The following RIMKLB variants were observed in gnomAD, a reference collection of about 807,000 sequenced individuals.
RIMKLB encodes ribosomal modification protein rimK like family member B.
In RIMKLB, 7 loss-of-function variants were observed where a neutral mutation model predicts 32.0. The ratio of observed to expected loss-of-function variants is 0.22; its 90% CI spans 0.12 to 0.41. The LOEUF (loss-of-function observed/expected upper bound fraction) is 0.41, where lower values mean the gene tolerates loss of function less well. RIMKLB is among the 10% of genes least tolerant of loss of function. RIMKLB has a pLI of 1.00. For missense variants in RIMKLB, 289 were observed against 498.7 expected (o/e 0.58, Z 4.00); for synonymous variants, 172 against 185.1 (o/e 0.93, Z 0.57).
At chr12:8,726,489 T>C (rs1946019553) in intron 2 of RIMKLB, among the ~76,000 whole-genome samples, 2 of 152,342 alleles carry the variant, frequency 1.3e-5, no homozygotes, top group African/African-American at 4.8e-5. Flanking sequence ...TCCCAGACTA[T>C]AGCTTGTTTG....
upstream of RIMKLB, among the ~76,000 whole-genome samples, chr12:8,696,285 CTT>C (rs1423977655): frequency 6.6e-6 from 1 of 152,172 alleles, no homozygotes; most frequent in African/African-American, 2.4e-5. Context: ...GTTGAATATA[CTT>C]TATGTCCCAG....
At chr12:8,769,698 T>G (rs1950251793) in intron 5 of RIMKLB, among the ~76,000 whole-genome samples, 1 of 152,148 alleles carries the variant, frequency 6.6e-6, no homozygotes, top group African/African-American at 2.4e-5. Context: ...TTACCTTCTA[T>G]TTTCTTATGC....
chr12:8,744,742 C>T (rs929251004), intron 2 of RIMKLB, among the ~76,000 whole-genome samples: 1 of 151,800 alleles, frequency 6.6e-6, no homozygotes, highest in South Asian at 2.1e-4. Flanking sequence ...CTCACTTCAA[C>T]CTCTGCCTCC....
At position 8,776,010 on chromosome 12, in the gene RIMKLB, A is replaced by C; in HGVS notation, c.*2226A>C. The C allele has an allele frequency of 1.0e-6, 1 of 984,442 alleles. No individual in the cohort carries two copies. The highest frequency in any genetic ancestry group is 1.2e-6 in the Non-Finnish European group (1 of 829,042). The allele number at this position is 984,442 out of a possible 1,614,324, so 61.0% of individuals were successfully genotyped here. A position where few individuals can be genotyped will look rare whatever the true frequency, so the allele number is the denominator to read the frequency against. ...TAGAGAAATAAATGAGGAAGAAAGA[A>C]CTGCTTAATTAAATTATCATTCATA... On this transcript the variant is annotated 3_prime_UTR_variant, in exon 6 of 6. Transcript: ENST00000535829.
chr12:8,725,264 G>A (rs1175541204), intron 2 of RIMKLB, among the ~76,000 whole-genome samples: 1 of 151,956 alleles, frequency 6.6e-6, no homozygotes, highest in Non-Finnish European at 1.5e-5. Flanking sequence ...GGCAAAGGAT[G>A]CTCTACTTTC....
chr12:8,701,123 C>T (rs937298556), intron 1 of RIMKLB, among the ~76,000 whole-genome samples: 1 of 151,802 alleles, frequency 6.6e-6, no homozygotes, highest in East Asian at 1.9e-4. Context: ...GAGGAGACTG[C>T]GATAGTGAAA....
intron 2 of RIMKLB, among the ~76,000 whole-genome samples, chr12:8,745,528 G>T (rs1219581333): frequency 6.6e-6 from 1 of 151,404 alleles, no homozygotes; most frequent in Non-Finnish European, 1.5e-5. Flanking sequence ...CCAAGTAGCT[G>T]GGATTTTATG....
intron 5 of RIMKLB, among the ~76,000 whole-genome samples, chr12:8,757,254 G>C (rs1342734727): frequency 6.6e-6 from 1 of 151,982 alleles, no homozygotes; most frequent in Non-Finnish European, 1.5e-5. Flanking sequence ...AGGTGCTGTG[G>C]CTCAGTCCTG....
At position 8,775,694 on chromosome 12, in the gene RIMKLB, T is replaced by C. The variant is rs1950686991; in HGVS notation, c.*1910T>C. The C allele has an allele frequency of 1.0e-6, 1 of 984,664 alleles. No individual in the cohort carries two copies. Among genetic ancestry groups the C allele is most frequent in the Non-Finnish European group, 1.2e-6 (1 of 828,966 alleles). The allele number at this position is 984,664 out of a possible 1,614,324, so 61.0% of individuals were successfully genotyped here. ...AAAAGGAATGTAATAAAATTTGTTT[T>C]TTCCATAGAATTAAATAATATTAAA... On this transcript the variant is annotated 3_prime_UTR_variant, in exon 6 of 6. Coordinates refer to ENST00000535829, the MANE Select transcript of RIMKLB (RefSeq NM_001297776.2).
chr12:8,767,281 G>T (rs1001270536), intron 5 of RIMKLB, among the ~76,000 whole-genome samples: 1 of 151,994 alleles, frequency 6.6e-6, no homozygotes, highest in African/African-American at 2.4e-5. Flanking sequence ...ACAAACTTGG[G>T]GCCCTGGCAA....
At chr12:8,781,416 T>C (rs1951027432), downstream of RIMKLB, among the ~76,000 whole-genome samples, 1 of 152,138 alleles carries the variant, frequency 6.6e-6, no homozygotes, top group African/African-American at 2.4e-5. Flanking sequence ...AAGAGTATAA[T>C]TGGAAAAAAA....
At chr12:8,706,017 T>A (rs947746567) in intron 1 of RIMKLB, among the ~76,000 whole-genome samples, 1 of 152,238 alleles carries the variant, frequency 6.6e-6, no homozygotes, top group Non-Finnish European at 1.5e-5. Flanking sequence ...TTCAGCAATG[T>A]ATAGACTATT....
intron 2 of RIMKLB, 135 bp downstream of exon 2, chr12:8,714,176 T>A (rs1944610563): frequency 1.5e-6 from 1 of 662,042 alleles, no homozygotes; most frequent in Non-Finnish European, 2.5e-6. Context: ...AGGTCTAATA[T>A]ATTTTATGAA....
In RIMKLB at chr12:8,775,243, T is replaced by C; in HGVS notation, c.*1459T>C. ...TGGGGGTGGGTTGGATGTTTTTGTT[T>C]GGGGACTTATTTAGTAGTATTGAGT... On this transcript the variant is annotated 3_prime_UTR_variant, in exon 6 of 6. Coordinates refer to ENST00000535829, the MANE Select transcript of RIMKLB (RefSeq NM_001297776.2). The C allele has an allele frequency of 1.0e-6, 1 of 985,694 alleles. No individual in the cohort carries two copies. The allele number at this position is 985,694 out of a possible 1,614,324, so 61.1% of individuals were successfully genotyped here.
Position 8,734,830 on chromosome 12 carries a change from C to T in RIMKLB, c.176-15032C>T, listed in dbSNP as rs369886258. On this transcript the variant is annotated intron_variant, in intron 2 of 5. Coordinates refer to ENST00000535829, the MANE Select transcript of RIMKLB (RefSeq NM_001297776.2). ...TTTATTTAAAATAAAAAGCATCTTCCAGATGGAGAAAGTAATAAATGCCAA... is the reference window on the plus strand; with the variant it reads ...TTTATTTAAAATAAAAAGCATCTTCTAGATGGAGAAAGTAATAAATGCCAA... Among the ~76,000 whole-genome samples, 7 of 152,074 alleles carry T rather than the reference C, an allele frequency of 4.6e-5. No individual in the cohort carries two copies. The South Asian group carries it at 8.3e-4, about 18-fold the overall frequency.
chr12:8,752,997 C>T lies in RIMKLB; in HGVS notation c.494-893C>T, dbSNP rs201606194. On this transcript the variant is annotated intron_variant, in intron 4 of 5. Coordinates refer to ENST00000535829, the MANE Select transcript of RIMKLB (RefSeq NM_001297776.2). ...CTGACTTCTGGTGATCCACCTGCCT[C>T]GGCCTCCCCAAGTGTTGGTATTACA... Among the ~76,000 whole-genome samples, 54 of 152,274 alleles carry T rather than the reference C, an allele frequency of 3.5e-4. 1 individual carries two copies. The East Asian group carries it at 6.4e-3, about 18-fold the overall frequency.
chr12:8,701,759 C>T (rs1943422820), intron 1 of RIMKLB, among the ~76,000 whole-genome samples: 2 of 151,434 alleles, frequency 1.3e-5, no homozygotes. Flanking sequence ...AATCCCAGCA[C>T]TTTGGGAGGC....
intron 2 of RIMKLB, among the ~76,000 whole-genome samples, chr12:8,723,166 T>C (rs1183983514): frequency 6.6e-6 from 1 of 152,258 alleles, no homozygotes; most frequent in Admixed American, 6.5e-5. Context: ...CTAAGCTTAA[T>C]CTTTCAATTT....
Position 8,704,971 on chromosome 12 carries a change from A to AACACACACACACACACACACACACACAC in RIMKLB, c.-57+6676_-57+6703dup, listed in dbSNP as rs3076182. ...GTGCAGAGCAAGACCTCACCTCTAA[A>AACACACACACACACACACACACACACAC]ACACACACACACACACACACACACA... On this transcript the variant is annotated intron_variant, in intron 1 of 5. Coordinates refer to ENST00000535829, the MANE Select transcript of RIMKLB (RefSeq NM_001297776.2). 1.1e-3 allele frequency among the ~76,000 whole-genome samples: 167 copies of AACACACACACACACACACACACACACAC among 146,654 alleles called. 1 individual carries two copies. The highest frequency in any genetic ancestry group is 3.7e-3 in the African/African-American group (146 of 39,368).
Sources: gnomAD v4.1 joint callset for allele counts (sites outside exome capture counted in the v4.1 genomes callset) on GRCh38, gnomAD v4.1.1 for gene constraint, MANE v1.5 for transcripts, NCBI Gene and HGNC (gene_info 2026-07-23, HGNC 2026-07-21) for gene names.